ADGRA1: variants seen among roughly 807,000 people sequenced by gnomAD.
ADGRA1 encodes the protein G-protein coupled receptor 123.
A neutral mutation model predicts 21.3 loss-of-function variants in ADGRA1; 12 were observed. The ratio of observed to expected loss-of-function variants is 0.56; its 90% CI spans 0.36 to 0.91. The LOEUF is 0.91. Among genes scored for constraint, ADGRA1 ranks in the 40% least tolerant of loss-of-function variants. The pLI is 0.01. For synonymous variants in ADGRA1, 385 were observed against 368.8 expected (o/e 1.04, Z -0.50); for missense variants, 790 against 805.6 (o/e 0.98, Z 0.23).
At chr10:133,101,704 C>T (rs1200519912) in intron 4 of ADGRA1, among the ~76,000 whole-genome samples, 1 of 152,230 alleles carries the variant, frequency 6.6e-6, no homozygotes, top group Non-Finnish European at 1.5e-5. Flanking sequence ...CCAGGCCTCC[C>T]TGTCTCCACC....
chr10:133,089,678 C>A (rs10857777), intron 2 of ADGRA1, among the ~76,000 whole-genome samples: 87,512 of 152,122 alleles, frequency 0.58, 25,600 homozygotes, highest in East Asian at 0.7. Context: ...CGCCGGCTGG[C>A]GTGCTTCGGA....
intron 2 of ADGRA1, among the ~76,000 whole-genome samples, chr10:133,092,351 A>G (rs549110094): frequency 6.6e-6 from 1 of 152,348 alleles, no homozygotes; most frequent in African/African-American, 2.4e-5. Context: ...AAGAACTTTA[A>G]GCAAGTAACT....
At chr10:133,128,258 T>C (rs956874737) in intron 6 of ADGRA1, 71 bp from the exon 7 acceptor site, 3 of 1,228,036 alleles carry the variant, frequency 2.4e-6, no homozygotes, top group African/African-American at 1.6e-5. Flanking sequence ...GCAGGGCCCT[T>C]TGCTCTGCAG....
chr10:133,119,348 G>A (rs1718452503), intron 5 of ADGRA1, among the ~76,000 whole-genome samples: 1 of 152,192 alleles, frequency 6.6e-6, no homozygotes, highest in South Asian at 2.1e-4. Flanking sequence ...GGCCGCTGGG[G>A]CTGACCAGGG....
At position 133,091,748 on chromosome 10, in the gene ADGRA1, A is replaced by G. The variant is rs550291072; in HGVS notation, c.3+2836A>G. On this transcript the variant is annotated intron_variant, in intron 2 of 6. Transcript: ENST00000392607. ...GGGACCCCAGAGACCTGGTGTGTGT[A>G]GGGAGCTCCTTGGGTCTAACACTTC... 2.6e-5 allele frequency among the ~76,000 whole-genome samples: 4 copies of G among 152,288 alleles called. No homozygotes were observed. The South Asian group carries it at 8.3e-4, about 32-fold the overall frequency.
intron 5 of ADGRA1, among the ~76,000 whole-genome samples, chr10:133,106,038 T>G (rs1004327022): frequency 2.6e-5 from 4 of 152,166 alleles, no homozygotes; most frequent in African/African-American, 9.7e-5. Context: ...TGGGCCTGTG[T>G]GGAGAGATTT....
At chr10:133,123,335 G>C (rs1247972977) in intron 5 of ADGRA1, among the ~76,000 whole-genome samples, 1 of 152,228 alleles carries the variant, frequency 6.6e-6, no homozygotes, top group Non-Finnish European at 1.5e-5. Flanking sequence ...GCCTGTGTTT[G>C]TTCCTCACAT....
At chr10:133,104,010 C>T (rs926971422) in intron 5 of ADGRA1, among the ~76,000 whole-genome samples, 6 of 152,334 alleles carry the variant, frequency 3.9e-5, no homozygotes, top group Non-Finnish European at 5.9e-5. Flanking sequence ...GACATTCATC[C>T]GGTTGCATGG....
intron 5 of ADGRA1, among the ~76,000 whole-genome samples, chr10:133,105,585 CT>C (rs912060145): frequency 6.6e-6 from 1 of 152,232 alleles, no homozygotes; most frequent in African/African-American, 2.4e-5. Context: ...TAAAATGTTG[CT>C]GCGCTGGTGT....
intron 5 of ADGRA1, among the ~76,000 whole-genome samples, chr10:133,126,050 G>A (rs951834709): frequency 6.6e-6 from 1 of 152,170 alleles, no homozygotes; most frequent in Non-Finnish European, 1.5e-5. Flanking sequence ...CACAGTCCAA[G>A]TCCCCCCAAG....
chr10:133,089,087 C>T (rs752594133), intron 2 of ADGRA1, 175 bp downstream of exon 2: 3 of 1,173,780 alleles, frequency 2.6e-6, no homozygotes, highest in African/African-American at 3.2e-5. Flanking sequence ...GGGGACAGGC[C>T]GCGTGTCTGG....
chr10:133,093,060 G>A (rs1260565414), intron 2 of ADGRA1: 6 of 1,596,170 alleles, frequency 3.8e-6, no homozygotes, highest in Non-Finnish European at 5.1e-6. Flanking sequence ...CACTGTGTAG[G>A]AAAGAAGGTT....
intron 5 of ADGRA1, among the ~76,000 whole-genome samples, chr10:133,125,941 C>T (rs1372827529): frequency 6.6e-6 from 1 of 152,226 alleles, no homozygotes; most frequent in Non-Finnish European, 1.5e-5. Context: ...CTAAAGTTCT[C>T]TCTTTAAACA....
chr10:133,089,756 G>A lies in ADGRA1; in HGVS notation c.3+844G>A, dbSNP rs138304454. 1.2e-3 allele frequency among the ~76,000 whole-genome samples: 190 copies of A among 152,340 alleles called. 1 individual carries two copies. Among genetic ancestry groups the A allele is most frequent in the African/African-American group, 4.5e-3 (186 of 41,588 alleles). On this transcript the variant is annotated intron_variant, in intron 2 of 6. Coordinates refer to ENST00000392607, the MANE Select transcript of ADGRA1 (RefSeq NM_001083909.3). ...CACTTGCTCATTTTCTTCTTGTTCC[G>A]TTCGAAATGTCCAAGCAAGAGAGAT...
At chr10:133,121,021 A>T (rs1852243610) in intron 5 of ADGRA1, among the ~76,000 whole-genome samples, 1 of 152,144 alleles carries the variant, frequency 6.6e-6, no homozygotes, top group African/African-American at 2.4e-5. Context: ...TAGGAGGGAG[A>T]TGGGGAACAG....
chr10:133,095,593 C>G (rs1851673663), intron 2 of ADGRA1: 1 of 1,536,168 alleles, frequency 6.5e-7, no homozygotes, highest in South Asian at 1.2e-5. Context: ...CTGTTCGAAC[C>G]CTGGGGCAGG....
chr10:133,109,200 C>G (rs1851944762), intron 5 of ADGRA1, among the ~76,000 whole-genome samples: 1 of 152,082 alleles, frequency 6.6e-6, no homozygotes, highest in Admixed American at 6.5e-5. Flanking sequence ...TTGCCAAACT[C>G]TCTACCCCCT....
Position 133,114,169 on chromosome 10 carries a change from A to C in ADGRA1, c.401+11327A>C, listed in dbSNP as rs193095421. Among the ~76,000 whole-genome samples the C allele has an allele frequency of 8.6e-4, 131 of 152,314 alleles. No homozygotes were observed. In the South Asian group the frequency reaches 0.014, roughly 16 times the overall value. Reference sequence around the variant, plus strand: ...CACCAAGCCCAGTGCCCGCACACTTAGCTCCCCTGAGCAGGAGCAGAGGGC... The same window carrying C: ...CACCAAGCCCAGTGCCCGCACACTTCGCTCCCCTGAGCAGGAGCAGAGGGC... On this transcript the variant is annotated intron_variant, in intron 5 of 6. Coordinates refer to ENST00000392607, the MANE Select transcript of ADGRA1 (RefSeq NM_001083909.3).
At chr10:133,116,922 G>A (rs549617507) in intron 5 of ADGRA1, among the ~76,000 whole-genome samples, 11 of 152,132 alleles carry the variant, frequency 7.2e-5, no homozygotes, top group South Asian at 2.1e-4. Context: ...CCCCCAGTTC[G>A]GGACAGAGGG....
Sources: allele counts gnomAD v4.1 joint callset (sites outside exome capture counted in the v4.1 genomes callset), GRCh38; gene constraint gnomAD v4.1.1; transcripts MANE v1.5; gene names NCBI Gene and HGNC (gene_info 2026-07-23, HGNC 2026-07-21).